Variants in N4BP2 observed in about 807,000 individuals in gnomAD.
N4BP2 encodes the protein NEDD4-binding protein 2.
In N4BP2, 91 loss-of-function variants were observed where a neutral mutation model predicts 152.8. The observed-to-expected ratio is 0.60, with a 90% CI of 0.50 to 0.71. The LOEUF (loss-of-function observed/expected upper bound fraction) is 0.71, where lower values mean the gene tolerates loss of function less well. N4BP2 is among the 30% of genes least tolerant of loss of function. The probability of loss-of-function intolerance (pLI) is 0.00; values close to 1 mark genes in which losing one functional copy is unlikely to be tolerated. For synonymous variants in N4BP2, 646 were observed against 705.3 expected (o/e 0.92, Z 1.33); for missense variants, 1,923 against 2,059.1 (o/e 0.93, Z 1.28).
chr4:40,104,957 C>T (rs1327573959), intron 4 of N4BP2, among the ~76,000 whole-genome samples: 1 of 151,936 alleles, frequency 6.6e-6, no homozygotes, highest in East Asian at 1.9e-4. Context: ...CCACTGCCAC[C>T]GCGCCTGGTT....
chr4:40,144,848 T>C (rs750029871), intron 16 of N4BP2, 48 bp downstream of exon 16: 1 of 1,476,532 alleles, frequency 6.8e-7, no homozygotes, highest in South Asian at 1.3e-5. Flanking sequence ...ATGTCTTTGC[T>C]TATATTGGTA....
chr4:40,067,740 C>G (rs537947065), intron 1 of N4BP2, among the ~76,000 whole-genome samples: 1 of 152,002 alleles, frequency 6.6e-6, no homozygotes, highest in South Asian at 2.1e-4. Flanking sequence ...ACTCCGTCAC[C>G]CAGGGTGGAG....
chr4:40,178,280 C>A, the N4BP2 span, among the ~76,000 whole-genome samples: 12 of 152,044 alleles, frequency 7.9e-5, no homozygotes, highest in Admixed American at 3.9e-4. Flanking sequence ...AGTGTCAACA[C>A]AAATGGGATA....
At chr4:40,143,839 T>C (rs1237072008) in intron 15 of N4BP2, among the ~76,000 whole-genome samples, 1 of 151,970 alleles carries the variant, frequency 6.6e-6, no homozygotes, top group African/African-American at 2.4e-5. Context: ...GTATTAGAGT[T>C]CTCTAGAGAG....
In N4BP2 at chr4:40,068,977, G is replaced by A. The variant is rs182092734; in HGVS notation, c.-211-4478G>A. ...TCTACTAAAAATACAAAAATTAGCC[G>A]GGCATGGTGGCGGGCGCCTGTAATC... On this transcript the variant is annotated intron_variant, in intron 1 of 17. Transcript: ENST00000261435. Among the ~76,000 whole-genome samples the A allele has an allele frequency of 2.0e-3, 298 of 151,772 alleles. 1 individual carries two copies. Among genetic ancestry groups the A allele is most frequent in the African/African-American group, 6.8e-3 (283 of 41,356 alleles).
intron 5 of N4BP2, among the ~76,000 whole-genome samples, chr4:40,110,546 T>A (rs1313403041): frequency 6.6e-6 from 1 of 152,226 alleles, no homozygotes; most frequent in East Asian, 1.9e-4. Flanking sequence ...ATATCTTCTC[T>A]GGAGAAATGT....
At chr4:40,146,165 A>G (rs1720500052) in intron 16 of N4BP2, among the ~76,000 whole-genome samples, 1 of 149,084 alleles carries the variant, frequency 6.7e-6, no homozygotes, top group African/African-American at 2.5e-5. Flanking sequence ...TCTTTCTCAA[A>G]AATAAATAAA....
the N4BP2 span, among the ~76,000 whole-genome samples, chr4:40,186,521 C>T: frequency 7.7e-4 from 118 of 152,312 alleles, no homozygotes; most frequent in Admixed American, 3.8e-3. Flanking sequence ...TGCTGTGCGG[C>T]CCAGTTCCTA....
the N4BP2 span, among the ~76,000 whole-genome samples, chr4:40,180,557 G>A: frequency 6.6e-6 from 1 of 151,994 alleles, no homozygotes; most frequent in Non-Finnish European, 1.5e-5. Context: ...TATTCCACAG[G>A]AATACTTAAT....
chr4:40,179,919 C>T, the N4BP2 span, among the ~76,000 whole-genome samples: 4 of 151,980 alleles, frequency 2.6e-5, no homozygotes, highest in Non-Finnish European at 4.4e-5. Context: ...CATGCGCCAC[C>T]ACGCCCGGCT....
intron 5 of N4BP2, among the ~76,000 whole-genome samples, chr4:40,111,460 A>G: frequency 6.6e-6 from 1 of 152,032 alleles, no homozygotes; most frequent in East Asian, 1.9e-4. Flanking sequence ...AGTTGGGACT[A>G]CAGGTGCGTG....
chr4:40,142,656 T>C lies in N4BP2; in HGVS notation c.4786-17T>C. 4.5e-6 allele frequency: 7 copies of C among 1,563,340 alleles called. No homozygotes were observed. Among genetic ancestry groups the C allele is most frequent in the Non-Finnish European group, 6.1e-6 (7 of 1,152,028 alleles). On this transcript the variant is annotated splice_polypyrimidine_tract_variant and intron_variant, in intron 14 of 17. Transcript: ENST00000261435. Reference sequence around the variant, plus strand: ...TTAACTTTCTGTGTGTGTTACTTATTGTTTAATATCTTATAGCCAAAGAAA... The same window carrying C: ...TTAACTTTCTGTGTGTGTTACTTATCGTTTAATATCTTATAGCCAAAGAAA...
intron 2 of N4BP2, among the ~76,000 whole-genome samples, chr4:40,086,139 T>TG (rs929793189): frequency 1.3e-4 from 20 of 148,762 alleles, no homozygotes; most frequent in African/African-American, 4.7e-4. Flanking sequence ...TAATTTTTTT[T>TG]TTTTTTTTGC....
intron 2 of N4BP2, among the ~76,000 whole-genome samples, chr4:40,091,923 T>C (rs867271958): frequency 8.2e-6 from 1 of 122,088 alleles, no homozygotes; most frequent in African/African-American, 3.1e-5. Flanking sequence ...TTCAACAATA[T>C]ATAAAAACAG....
At chr4:40,107,144 G>C in intron 5 of N4BP2, 120 bp downstream of exon 5, 2 of 972,584 alleles carry the variant, frequency 2.1e-6, no homozygotes, top group Non-Finnish European at 3.1e-6. Flanking sequence ...GTGTTGCACA[G>C]GCTAGAGTGC....
At chr4:40,079,015 G>A (rs1297647811) in intron 2 of N4BP2, among the ~76,000 whole-genome samples, 1 of 151,920 alleles carries the variant, frequency 6.6e-6, no homozygotes, top group Non-Finnish European at 1.5e-5. Context: ...GCAGTGGCGC[G>A]ATCTCAAGCG....
chr4:40,060,318 C>T (rs972745733), intron 1 of N4BP2, among the ~76,000 whole-genome samples: 1 of 152,060 alleles, frequency 6.6e-6, no homozygotes, highest in Non-Finnish European at 1.5e-5. Context: ...CATCTTGGCT[C>T]ACTGCAACCT....
chr4:40,154,782 C>T lies in N4BP2; in HGVS notation c.*545C>T, dbSNP rs1721459368. On this transcript the variant is annotated 3_prime_UTR_variant, in exon 18 of 18. Coordinates refer to ENST00000261435, the MANE Select transcript of N4BP2 (RefSeq NM_018177.6). ...CATATCCTACAGGAAGGAAGACATG[C>T]TTTTGCCCTTTCTTCTGCTTTGTAT... 1 of 152,708 alleles carries T rather than the reference C, an allele frequency of 6.5e-6. No homozygotes were observed. Among genetic ancestry groups the T allele is most frequent in the Non-Finnish European group, 1.5e-5 (1 of 68,456 alleles). 9.5% of individuals were successfully genotyped at this position (152,708 alleles called of 1,614,324 possible).
intron 17 of N4BP2, among the ~76,000 whole-genome samples, chr4:40,153,967 ATAC>A (rs1422193793): frequency 6.6e-6 from 1 of 152,196 alleles, no homozygotes; most frequent in Non-Finnish European, 1.5e-5. Flanking sequence ...ATCTTAAGTT[ATAC>A]TAAGTCAAGA....
Sources: allele counts gnomAD v4.1 joint callset (sites outside exome capture counted in the v4.1 genomes callset), GRCh38; gene constraint gnomAD v4.1.1; transcripts MANE v1.5; gene names NCBI Gene and HGNC (gene_info 2026-07-23, HGNC 2026-07-21).